The following PLXNA1 variants were observed in gnomAD, a reference collection of about 807,000 sequenced individuals.
PLXNA1 encodes the protein plexin-A1.
A neutral mutation model predicts 191.7 loss-of-function variants in PLXNA1; 77 were observed. That is an observed-to-expected ratio of 0.40 (90% CI 0.33 to 0.49). The LOEUF (loss-of-function observed/expected upper bound fraction) is 0.49, where lower values mean the gene tolerates loss of function less well. Ranked by LOEUF, PLXNA1 falls within the 20% of genes least tolerant of loss-of-function variation. The pLI is 0.63. For synonymous variants in PLXNA1, 1,137 were observed against 1,156.4 expected (o/e 0.98, Z 0.34); for missense variants, 2,110 against 2,660.2 (o/e 0.79, Z 4.55).
Position 127,022,757 on chromosome 3 carries a change from A to G in PLXNA1, c.4301A>G (p.Glu1434Gly), listed in dbSNP as rs2079158059. ...NHPKLLLRRT[E>G]SVAEKMLTNW... The stretch of plus-strand genomic sequence containing the variant: ...CCATATTCTGTGCTCCCCAGGACTG[A>G]GTCGGTGGCAGAGAAGATGCTAACT... Residue 1434 changes from glutamate to glycine, a missense_variant, in exon 23 of 32, where the codon GAG (glutamate) becomes GGG (glycine). This residue lies in a region of PLXNA1 where 559 missense variants were observed against 911.5 expected (regional missense o/e 0.61). Coordinates refer to ENST00000393409, the MANE Select transcript of PLXNA1 (RefSeq NM_032242.4). 6.2e-7 allele frequency: 1 copy of G among 1,613,768 alleles called. No individual in the cohort carries two copies. The highest frequency in any genetic ancestry group is 1.3e-5 in the African/African-American group (1 of 74,930).
At chr3:126,994,354 G>C (rs2079005160) in intron 3 of PLXNA1, among the ~76,000 whole-genome samples, 1 of 152,164 alleles carries the variant, frequency 6.6e-6, no homozygotes, top group Non-Finnish European at 1.5e-5. Context: ...GGCTGGGAGT[G>C]CTGCTGCTGT....
In PLXNA1 at chr3:127,026,648, G is replaced by A. The variant is rs564597960; in HGVS notation, c.4363-1292G>A. 4 of 152,372 alleles carry A rather than the reference G, an allele frequency of 2.6e-5. No homozygotes were observed. In the South Asian group the frequency reaches 8.3e-4, roughly 32 times the overall value. 9.4% of individuals were successfully genotyped at this position (152,372 alleles called of 1,614,324 possible). On this transcript the variant is annotated intron_variant, in intron 23 of 31. Transcript: ENST00000393409. ...AGACAGACATGTTGTTGGAAGGTCTGGGATGGTCTTAACAGCTGTCTCTCT... is the reference window on the plus strand; with the variant it reads ...AGACAGACATGTTGTTGGAAGGTCTAGGATGGTCTTAACAGCTGTCTCTCT...
chr3:127,017,413 C>G lies in PLXNA1; in HGVS notation c.3277-12C>G. On this transcript the variant is annotated splice_polypyrimidine_tract_variant and intron_variant, in intron 17 of 31. Transcript: ENST00000393409. ...GGAGGTCCCGCCCAGCATCCCCACC[C>G]TGTGTCTCCAGGGCTGCCTGGTGTA... is the stretch of plus-strand genomic sequence containing the variant. 6.2e-7 allele frequency: 1 copy of G among 1,609,904 alleles called. No homozygotes were observed. The highest frequency in any genetic ancestry group is 8.5e-7 in the Non-Finnish European group (1 of 1,178,070).
chr3:127,024,738 C>T (rs770510821), intron 23 of PLXNA1, among the ~76,000 whole-genome samples: 4 of 152,108 alleles, frequency 2.6e-5, no homozygotes, highest in African/African-American at 7.2e-5. Context: ...ACGTACTGGG[C>T]GCAAGGACAT....
In PLXNA1 at chr3:127,012,139, T is replaced by G; in HGVS notation, c.2294T>G (p.Leu765Arg). The change falls in exon 10 of 32, where the codon CTG becomes CGG. Residue 765 changes from leucine (L) to arginine (R), a missense_variant. Leu to Arg is a moderately radical substitution (Grantham distance 102). This residue lies in a region of PLXNA1 where 644 missense variants were observed against 714.3 expected (regional missense o/e 0.90). Transcript: ENST00000393409. Reference sequence around the variant, plus strand: ...GCCCTGCGCTTCAACAGCTCCAGCCTGCAGTGCCAGAATTCCTCGGTGAGG... The same window carrying G: ...GCCCTGCGCTTCAACAGCTCCAGCCGGCAGTGCCAGAATTCCTCGGTGAGG... Reference protein sequence around the residue: ...VTALRFNSSSLQCQNSSYSYE... With the variant: ...VTALRFNSSSRQCQNSSYSYE... The G allele has an allele frequency of 6.2e-7, 1 of 1,612,316 alleles. No homozygotes were observed. Among genetic ancestry groups the G allele is most frequent in the Non-Finnish European group, 8.5e-7 (1 of 1,179,764 alleles).
intron 14 of PLXNA1, 87 bp downstream of exon 14, chr3:127,014,918 T>C: frequency 6.5e-7 from 1 of 1,526,910 alleles, no homozygotes; most frequent in Non-Finnish European, 8.8e-7. Context: ...CAGGGCCCCT[T>C]GTCTGGCCAT....
In PLXNA1 at chr3:127,033,772, C is replaced by G. The variant is rs1302779445; in HGVS notation, c.5596-150C>G. On this transcript the variant is annotated intron_variant, in intron 31 of 31. Coordinates refer to ENST00000393409, the MANE Select transcript of PLXNA1 (RefSeq NM_032242.4). Reference sequence around the variant, plus strand: ...AGGGCTCATTCTCCATATTGGGGTCCTGGAGGGTCCAGGCTCACAACCAAG... The same window carrying G: ...AGGGCTCATTCTCCATATTGGGGTCGTGGAGGGTCCAGGCTCACAACCAAG... 17 of 629,982 alleles carry G rather than the reference C, an allele frequency of 2.7e-5. No individual in the cohort carries two copies. In the South Asian group the frequency reaches 3.1e-4, roughly 12 times the overall value. 39.0% of individuals were successfully genotyped at this position (629,982 alleles called of 1,614,324 possible). A position where few individuals can be genotyped will look rare whatever the true frequency, so the allele number is the denominator to read the frequency against.
At chr3:127,004,763 A>G (rs993526775) in intron 5 of PLXNA1, 52 bp downstream of exon 5, 3 of 1,584,578 alleles carry the variant, frequency 1.9e-6, no homozygotes, top group African/African-American at 2.7e-5. Context: ...TGGTGGTCTC[A>G]CAGTGGGGGA....
At chr3:127,001,307 G>C (rs114404604) in intron 3 of PLXNA1, among the ~76,000 whole-genome samples, 4,026 of 152,070 alleles carry the variant, frequency 0.026, 84 homozygotes, top group Middle Eastern at 0.041. Flanking sequence ...CCAGGGTCAG[G>C]CTCCGGCATC....
rs2079116291 is a variant in PLXNA1, at chr3:127,015,105, G to T, written c.2878-79G>T. The T allele has an allele frequency of 7.8e-6, 12 of 1,535,216 alleles. No homozygotes were observed. The South Asian group carries it at 1.5e-4, about 19-fold the overall frequency. On this transcript the variant is annotated intron_variant, in intron 14 of 31. Coordinates refer to ENST00000393409, the MANE Select transcript of PLXNA1 (RefSeq NM_032242.4). Reference sequence around the variant, plus strand: ...TCTGGGGAACTGTCTGTGGGGGTAAGCAGGCCAAGTGGGGCCTGTCCCCAT... The same window carrying T: ...TCTGGGGAACTGTCTGTGGGGGTAATCAGGCCAAGTGGGGCCTGTCCCCAT...
chr3:127,017,946 A>G, intron 19 of PLXNA1, 54 bp downstream of exon 19: 1 of 1,596,548 alleles, frequency 6.3e-7, no homozygotes, highest in South Asian at 1.1e-5. Flanking sequence ...CCACCTGTGG[A>G]CCCTGCCCCA....
chr3:126,994,018 G>A (rs2079003636), intron 3 of PLXNA1, among the ~76,000 whole-genome samples: 1 of 152,142 alleles, frequency 6.6e-6, no homozygotes, highest in African/African-American at 2.4e-5. Flanking sequence ...GTGTCTCCTC[G>A]TACCATGCGG....
Position 126,989,179 on chromosome 3 carries a change from G to T in PLXNA1, c.586G>T (p.Glu196Ter). The change falls in exon 2 of 32, where the codon GAG becomes TAG. Residue 196 changes from glutamate to a stop codon, truncating the protein, a stop_gained. Coordinates refer to ENST00000393409, the MANE Select transcript of PLXNA1 (RefSeq NM_032242.4). LOFTEE classifies it high-confidence loss of function. ...FVGTPIDGKS[E>*]YFPTLSSRRL... The stretch of plus-strand genomic sequence containing the variant: ...GGGCACACCCATCGATGGCAAGTCC[G>T]AGTACTTCCCCACACTGTCCAGCCG... 6.2e-7 allele frequency: 1 copy of T among 1,613,510 alleles called. No homozygotes were observed.
Position 127,028,072 on chromosome 3 carries a change from G to C in PLXNA1, c.4495G>C (p.Asp1499His). ...GGACAAGCTCATCCGGCAGCAGATT[G>C]ACTACAAGACACTGGTGAGCGTGGC... is the stretch of plus-strand genomic sequence containing the variant. Reference protein sequence around the residue: ...SEDKLIRQQIDYKTLTLNCVN... With the variant: ...SEDKLIRQQIHYKTLTLNCVN... Residue 1499 changes from aspartate to histidine, a missense_variant, in exon 24 of 32, where the codon GAC (aspartate) becomes CAC (histidine). By Grantham distance (81) the Asp-to-His change is moderately conservative (BLOSUM62 -1). Transcript: ENST00000393409. The C allele has an allele frequency of 1.2e-6, 2 of 1,614,036 alleles. No individual in the cohort carries two copies. Among genetic ancestry groups the C allele is most frequent in the Non-Finnish European group, 1.7e-6 (2 of 1,179,996 alleles).
chr3:126,999,143 G>T (rs938725939), intron 3 of PLXNA1, among the ~76,000 whole-genome samples: 2 of 152,118 alleles, frequency 1.3e-5, no homozygotes, highest in African/African-American at 4.8e-5. Context: ...GAAGGGGAGG[G>T]GCAGGTGGGC....
intron 29 of PLXNA1, 29 bp from the exon 30 acceptor site, chr3:127,032,358 C>G (rs1037391727): frequency 2.5e-6 from 4 of 1,607,576 alleles, no homozygotes; most frequent in Non-Finnish European, 3.4e-6. Context: ...AGAGGCCTAT[C>G]TGAGCAGCGC....
At chr3:127,016,892 T>C in intron 16 of PLXNA1, 52 bp from the exon 17 acceptor site, 2 of 1,497,886 alleles carry the variant, frequency 1.3e-6, no homozygotes, top group Non-Finnish European at 1.8e-6. Flanking sequence ...CGTTTCCAGC[T>C]CACTGGGCCC....
At chr3:127,030,090 AGG>A (rs1433349081) in intron 28 of PLXNA1, 26 bp downstream of exon 28, 1 of 1,607,040 alleles carries the variant, frequency 6.2e-7, no homozygotes, top group East Asian at 2.2e-5. Context: ...AGATGGGGGC[AGG>A]GGACGCTGGG....
rs769829975 is a variant in PLXNA1 at position 127,003,383 on chromosome 3, C to A, written c.1431C>A (p.Ser477Arg). ...PGGRPALAYE[S>R]VVAQEGSPIL... ...GCCGGCCTGCCCTGGCCTACGAGAG[C>A]GTCGTGGCCCAGGAGGGCAGCCCCA... The change falls in exon 4 of 32, where the codon AGC becomes AGA. Residue 477 changes from serine to arginine, a missense_variant. Physicochemically the swap from Ser to Arg is moderately radical, Grantham distance 110 (BLOSUM62 -1). Transcript: ENST00000393409. 1 of 1,611,784 alleles carries A rather than the reference C, an allele frequency of 6.2e-7. No homozygotes were observed. The highest frequency in any genetic ancestry group is 1.3e-5 in the African/African-American group (1 of 74,906).
Sources: allele counts gnomAD v4.1 joint callset (sites outside exome capture counted in the v4.1 genomes callset), GRCh38; gene constraint gnomAD v4.1.1; regional missense constraint gnomAD v4.1.1; transcripts MANE v1.5; gene names NCBI Gene and HGNC (gene_info 2026-07-23, HGNC 2026-07-21).